The following WDR41 variants were observed in gnomAD, a reference collection of about 807,000 sequenced individuals.
WDR41 encodes the protein WD repeat domain 41, also known as WD repeat-containing protein 41.
In WDR41, 63 loss-of-function variants were observed where a neutral mutation model predicts 69.3. The ratio of observed to expected loss-of-function variants is 0.91; its 90% CI spans 0.74 to 1.12. WDR41 has a LOEUF of 1.12. Among genes scored for constraint, WDR41 ranks in the 50% most tolerant of loss-of-function variants. The pLI is 0.00. For missense variants in WDR41, 543 were observed against 534.5 expected (o/e 1.02, Z -0.16); for synonymous variants, 185 against 192.1 (o/e 0.96, Z 0.31).
In WDR41 at chr5:77,578,105, C is replaced by T. The variant is rs562976388; in HGVS notation, c.42+42374G>A. ...CGAAAAAAGATCAAAATTCAAAATG[C>T]AAAGTACAGTTTCTACTAAATGCAT... On this transcript the variant is annotated intron_variant, in intron 1 of 5. Coordinates refer to the WDR41 transcript ENST00000509971. Among the ~76,000 whole-genome samples, 21 of 152,204 alleles carry T rather than the reference C, an allele frequency of 1.4e-4. No individual in the cohort carries two copies. In the South Asian group the frequency reaches 3.9e-3, roughly 29 times the overall value.
intron 1 of WDR41, among the ~76,000 whole-genome samples, chr5:77,534,338 C>T (rs1023088149): frequency 1.2e-4 from 18 of 149,236 alleles, no homozygotes; most frequent in African/African-American, 3.9e-4. Flanking sequence ...ATGTGGGGGG[C>T]GGCGGGGAAA....
chr5:77,600,454 C>T (rs774976611), intron 1 of WDR41, among the ~76,000 whole-genome samples: 11 of 152,026 alleles, frequency 7.2e-5, no homozygotes, highest in East Asian at 3.9e-4. Context: ...GGATTGACTA[C>T]GAAAAGGCAT....
intron 2 of WDR41, among the ~76,000 whole-genome samples, chr5:77,477,027 C>G (rs1280355082): frequency 2.6e-4 from 39 of 149,020 alleles, no homozygotes; most frequent in African/African-American, 8.7e-4. Flanking sequence ...TGCAATCCTA[C>G]TCTCTGATAA....
chr5:77,610,409 G>A (rs902926159), intron 1 of WDR41, among the ~76,000 whole-genome samples: 2 of 152,182 alleles, frequency 1.3e-5, no homozygotes, highest in Non-Finnish European at 2.9e-5. Flanking sequence ...CAGAGAGAAA[G>A]GTCGGGTTAC....
upstream of WDR41, chr5:77,492,575 G>A (rs1354321926): frequency 3.5e-6 from 1 of 282,544 alleles, no homozygotes; most frequent in Non-Finnish European, 6.5e-6. Context: ...CCTGGTGGAC[G>A]CGCGCGGAGC....
At chr5:77,442,960 T>G (rs1021933312) in intron 8 of WDR41, among the ~76,000 whole-genome samples, 1 of 150,122 alleles carries the variant, frequency 6.7e-6, no homozygotes, top group Non-Finnish European at 1.5e-5. Flanking sequence ...CACTATATAT[T>G]TAATAGAAAA....
chr5:77,580,799 CA>C (rs1201350796), intron 1 of WDR41, among the ~76,000 whole-genome samples: 3 of 151,182 alleles, frequency 2.0e-5, no homozygotes, highest in Non-Finnish European at 4.4e-5. Context: ...ACTAAAAATA[CA>C]AAAAAATTAG....
intron 1 of WDR41, among the ~76,000 whole-genome samples, chr5:77,611,773 G>T (rs1185977200): frequency 6.6e-6 from 1 of 150,648 alleles, no homozygotes; most frequent in East Asian, 1.9e-4. Context: ...CTAGCAGAAG[G>T]CAAGAAATAA....
chr5:77,602,655 G>A (rs965870062), intron 1 of WDR41, among the ~76,000 whole-genome samples: 1 of 151,978 alleles, frequency 6.6e-6, no homozygotes, highest in Admixed American at 6.6e-5. Context: ...TTCATCCTTT[G>A]ATGGACATTT....
At chr5:77,468,449 T>C (rs1800403108) in intron 2 of WDR41, among the ~76,000 whole-genome samples, 1 of 152,202 alleles carries the variant, frequency 6.6e-6, no homozygotes, top group Non-Finnish European at 1.5e-5. Flanking sequence ...TGAGAAAGTA[T>C]TCTCTCGTTC....
chr5:77,619,042 T>C (rs991823078), intron 1 of WDR41, among the ~76,000 whole-genome samples: 1 of 152,226 alleles, frequency 6.6e-6, no homozygotes, highest in Non-Finnish European at 1.5e-5. Flanking sequence ...TACCTGACAC[T>C]AGTAGAATTT....
intron 11 of WDR41, among the ~76,000 whole-genome samples, chr5:77,437,115 A>G (rs1343800350): frequency 6.6e-6 from 1 of 152,248 alleles, no homozygotes; most frequent in Admixed American, 6.5e-5. Flanking sequence ...TCAAAACAAG[A>G]AAATCTCTAT....
At chr5:77,606,929 T>TGCCAG (rs1744432172) in intron 1 of WDR41, among the ~76,000 whole-genome samples, 1 of 147,654 alleles carries the variant, frequency 6.8e-6, no homozygotes, top group African/African-American at 2.5e-5. Flanking sequence ...AAAAGCACTT[T>TGCCAG]GCCAGTAACT....
At chr5:77,445,357 G>A (rs1253460543) in intron 8 of WDR41, among the ~76,000 whole-genome samples, 1 of 152,152 alleles carries the variant, frequency 6.6e-6, no homozygotes, top group Non-Finnish European at 1.5e-5. Flanking sequence ...GTACAAAGAG[G>A]AGCTGGTACC....
intron 1 of WDR41, among the ~76,000 whole-genome samples, chr5:77,566,589 TAAAG>T (rs1452068299): frequency 6.6e-6 from 1 of 152,162 alleles, no homozygotes; most frequent in Admixed American, 6.6e-5. Context: ...TGCCATTTTT[TAAAG>T]AAAGGGATTT....
At chr5:77,571,022 G>A (rs1425944991) in intron 1 of WDR41, among the ~76,000 whole-genome samples, 1 of 151,872 alleles carries the variant, frequency 6.6e-6, no homozygotes, top group Non-Finnish European at 1.5e-5. Context: ...TACATTTAAT[G>A]CAATTAAGAA....
intron 3 of WDR41, 44 bp from the exon 4 acceptor site, chr5:77,463,270 TTAGA>T (rs1467866424): frequency 6.4e-7 from 1 of 1,559,832 alleles, no homozygotes; most frequent in Non-Finnish European, 8.7e-7. Context: ...CTTTCACAAT[TTAGA>T]TAATCATAAA....
chr5:77,462,775 A>T (rs1486159643), intron 4 of WDR41, among the ~76,000 whole-genome samples: 1 of 152,198 alleles, frequency 6.6e-6, no homozygotes, highest in Non-Finnish European at 1.5e-5. Context: ...CTAAATTGAA[A>T]AGCAAACTGA....
intron 1 of WDR41, among the ~76,000 whole-genome samples, chr5:77,578,378 G>A (rs1343625507): frequency 1.3e-5 from 2 of 152,088 alleles, no homozygotes; most frequent in Non-Finnish European, 2.9e-5. Context: ...CTGGGGGAGG[G>A]CAGTTTAGTA....
Sources: gnomAD v4.1 joint callset for allele counts (sites outside exome capture counted in the v4.1 genomes callset) on GRCh38, gnomAD v4.1.1 for gene constraint, MANE v1.5 for transcripts, NCBI Gene and HGNC (gene_info 2026-07-23, HGNC 2026-07-21) for gene names.